The following PVT1 variants were observed in gnomAD, a reference collection of about 807,000 sequenced individuals.
The protein encoded by PVT1 is Pvt1 oncogene.
At chr8:128,006,250 T>C (rs537422068) in intron 4 of PVT1, among the ~76,000 whole-genome samples, 2 of 151,994 alleles carry the variant, frequency 1.3e-5, no homozygotes, top group Non-Finnish European at 2.9e-5. Flanking sequence ...CTAGAAATAG[T>C]GAGGGAAGTT....
At chr8:127,856,596 C>T (rs1287510117) in intron 2 of PVT1, among the ~76,000 whole-genome samples, 1 of 152,168 alleles carries the variant, frequency 6.6e-6, no homozygotes, top group African/African-American at 2.4e-5. Flanking sequence ...CTGCCTCGGC[C>T]TTCCAAAGTG....
At chr8:128,058,802 C>A (rs1813793743) in intron 4 of PVT1, among the ~76,000 whole-genome samples, 1 of 152,182 alleles carries the variant, frequency 6.6e-6, no homozygotes, top group South Asian at 2.1e-4. Flanking sequence ...CCTCCACCCC[C>A]AGCATGACAG....
intron 3 of PVT1, chr8:127,946,836 G>A (rs760132762): frequency 6.5e-6 from 1 of 153,370 alleles, no homozygotes; most frequent in Non-Finnish European, 1.5e-5. Context: ...TGCCAGCATC[G>A]GTCAGCCTAC....
intron 4 of PVT1, among the ~76,000 whole-genome samples, chr8:127,997,809 C>T (rs1005304073): frequency 6.6e-6 from 1 of 152,184 alleles, no homozygotes; most frequent in Non-Finnish European, 1.5e-5. Flanking sequence ...TTACCTGGTC[C>T]AGGATCCCAT....
chr8:127,826,600 A>G (rs1814791081), intron 2 of PVT1, among the ~76,000 whole-genome samples: 1 of 152,184 alleles, frequency 6.6e-6, no homozygotes, highest in Non-Finnish European at 1.5e-5. Flanking sequence ...GTAAAGGAGG[A>G]TAACACACAC....
chr8:128,048,847 T>C (rs991379787), intron 4 of PVT1, among the ~76,000 whole-genome samples: 3 of 152,208 alleles, frequency 2.0e-5, no homozygotes, highest in Non-Finnish European at 4.4e-5. Flanking sequence ...GAGCCCCCTG[T>C]TGTTCTCAGG....
At chr8:128,006,784 C>T (rs77877684) in intron 4 of PVT1, among the ~76,000 whole-genome samples, 1 of 152,110 alleles carries the variant, frequency 6.6e-6, no homozygotes, top group Non-Finnish European at 1.5e-5. Flanking sequence ...TTGGTTATAA[C>T]CCATGACTAT....
At chr8:128,001,595 G>C (rs969588577) in intron 4 of PVT1, among the ~76,000 whole-genome samples, 10 of 152,186 alleles carry the variant, frequency 6.6e-5, no homozygotes, top group African/African-American at 2.4e-4. Context: ...CACAGAGTGG[G>C]AAAGGTTTGC....
chr8:128,041,931 T>G (rs1319491053), intron 4 of PVT1, among the ~76,000 whole-genome samples: 3 of 152,182 alleles, frequency 2.0e-5, no homozygotes, highest in Non-Finnish European at 4.4e-5. Flanking sequence ...CCTCCAGTGT[T>G]CTGGGCAGCA....
intron 3 of PVT1, among the ~76,000 whole-genome samples, chr8:127,899,040 G>T (rs574368111): frequency 6.6e-6 from 1 of 152,246 alleles, no homozygotes; most frequent in South Asian, 2.1e-4. Flanking sequence ...GGAGATGATG[G>T]CATAAACAAA....
chr8:127,856,182 T>A (rs1815157817), intron 2 of PVT1, among the ~76,000 whole-genome samples: 1 of 151,952 alleles, frequency 6.6e-6, no homozygotes, highest in African/African-American at 2.4e-5. Flanking sequence ...AGGATGAGTG[T>A]CCTTTTGGTG....
intron 3 of PVT1, among the ~76,000 whole-genome samples, chr8:127,917,048 G>A (rs927294385): frequency 6.6e-6 from 1 of 152,212 alleles, no homozygotes; most frequent in Admixed American, 6.5e-5. Flanking sequence ...TGCAAAATAA[G>A]GAGTGGCAGT....
chr8:127,816,092 C>T (rs1472994346), intron 2 of PVT1, among the ~76,000 whole-genome samples: 1 of 151,240 alleles, frequency 6.6e-6, no homozygotes, highest in Non-Finnish European at 1.5e-5. Flanking sequence ...CCACTGCACT[C>T]CAGCCTAGGC....
rs1004701871 is a variant in PVT1 at position 127,829,171 on chromosome 8, G to T, written n.372+33100G>T. Among the ~76,000 whole-genome samples, 3 of 152,242 alleles carry T rather than the reference G, an allele frequency of 2.0e-5. No individual in the cohort carries two copies. The East Asian group carries it at 5.8e-4, about 29-fold the overall frequency. ...AGGTGCCTGTAATCCCAGCTACTAG[G>T]GAGGTCGAGGCAGGAGAATCACTTG... On this transcript the variant is annotated intron_variant and non_coding_transcript_variant, in intron 2 of 10. Transcript: ENST00000651587.
At chr8:127,983,052 C>T (rs927701782) in intron 3 of PVT1, among the ~76,000 whole-genome samples, 2 of 152,084 alleles carry the variant, frequency 1.3e-5, no homozygotes, top group African/African-American at 2.4e-5. Flanking sequence ...CCTTACAGTG[C>T]GTGGGGCCTC....
Position 127,831,159 on chromosome 8 carries a change from A to C in PVT1, n.372+35088A>C, listed in dbSNP as rs199801800. Among the ~76,000 whole-genome samples, 1,307 of 143,226 alleles carry C rather than the reference A, an allele frequency of 9.1e-3. 19 individuals carry two copies. The highest frequency in any genetic ancestry group is 0.026 in the African/African-American group (1,022 of 38,798). 94.0% of individuals were successfully genotyped at this position (143,226 alleles called of 152,430 possible). On this transcript the variant is annotated intron_variant and non_coding_transcript_variant, in intron 2 of 10. Coordinates refer to ENST00000651587, the Ensembl canonical transcript of PVT1. ...TATCTATCTCTCTCTCTCTCTCTATATATATATATATCTCCTATTAGTTCT... is the reference window on the plus strand; with the variant it reads ...TATCTATCTCTCTCTCTCTCTCTATCTATATATATATCTCCTATTAGTTCT...
intron 4 of PVT1, among the ~76,000 whole-genome samples, chr8:128,041,590 G>A (rs1368587047): frequency 1.5e-5 from 2 of 137,628 alleles, no homozygotes; most frequent in Non-Finnish European, 3.1e-5. Context: ...GTGTGTGTTT[G>A]CGTGTGTGTA....
chr8:127,881,468 C>T (rs4733578), intron 2 of PVT1, among the ~76,000 whole-genome samples: 68,018 of 117,610 alleles, frequency 0.58, 16,499 homozygotes, highest in East Asian at 0.67. Context: ...ATTATTATTT[C>T]AGATGGAGTT....
chr8:128,060,085 T>A (rs1813812279), intron 4 of PVT1, among the ~76,000 whole-genome samples: 1 of 152,172 alleles, frequency 6.6e-6, no homozygotes, highest in Non-Finnish European at 1.5e-5. Context: ...TGAAACCCCG[T>A]CTCTACTAAA....
Sources: gnomAD v4.1 joint callset for allele counts (sites outside exome capture counted in the v4.1 genomes callset) on GRCh38, gnomAD v4.1.1 for gene constraint, MANE v1.5 for transcripts, NCBI Gene and HGNC (gene_info 2026-07-23, HGNC 2026-07-21) for gene names.